INPP5A: variants seen among roughly 807,000 people sequenced by gnomAD.
INPP5A encodes inositol polyphosphate-5-phosphatase A, also known as 43 kDa inositol polyphosphate 5-phophatase.
In INPP5A, 14 loss-of-function variants were observed where a neutral mutation model predicts 65.2. The observed-to-expected ratio is 0.21, with a 90% CI of 0.14 to 0.34. The LOEUF is 0.34. Among genes scored for constraint, INPP5A ranks in the 10% least tolerant of loss-of-function variants. The pLI is 1.00. For synonymous variants in INPP5A, 207 were observed against 208.3 expected (o/e 0.99, Z 0.05); for missense variants, 431 against 545.6 (o/e 0.79, Z 2.09).
rs1845241927 is a variant in INPP5A, at chr10:132,690,536, C to T, written c.370+81C>T. 8 of 1,061,118 alleles carry T rather than the reference C, an allele frequency of 7.5e-6. 1 individual carries two copies. The highest frequency in any genetic ancestry group is 2.5e-4 in the Middle Eastern group (1 of 4,074). The allele number at this position is 1,061,118 out of a possible 1,614,324, so 65.7% of individuals were successfully genotyped here. On this transcript the variant is annotated intron_variant, in intron 5 of 15. Transcript: ENST00000368594. Reference sequence around the variant, plus strand: ...TCTGGCTTCCCCAGACCTCTCCTGCCCTGTCTCTGTGAGTGGCCACTGTGG... The same window carrying T: ...TCTGGCTTCCCCAGACCTCTCCTGCTCTGTCTCTGTGAGTGGCCACTGTGG...
intron 8 of INPP5A, among the ~76,000 whole-genome samples, chr10:132,723,020 G>C (rs1006120262): frequency 1.3e-5 from 2 of 152,208 alleles, no homozygotes; most frequent in East Asian, 3.9e-4. Flanking sequence ...TTCGTCTTGC[G>C]GCCGCCGTGC....
Position 132,704,495 on chromosome 10 carries a change from G to A in INPP5A, c.475-3818G>A, listed in dbSNP as rs1220664812. Among the ~76,000 whole-genome samples, 1 of 152,240 alleles carries A rather than the reference G, an allele frequency of 6.6e-6. No individual in the cohort carries two copies. Among genetic ancestry groups the A allele is most frequent in the African/African-American group, 2.4e-5 (1 of 41,466 alleles). Reference sequence around the variant, plus strand: ...TGGACGCCAGCCCGCGGCGGCTGCTGGTGCGCAGAGCCACCCCTCGCAGCC... The same window carrying A: ...TGGACGCCAGCCCGCGGCGGCTGCTAGTGCGCAGAGCCACCCCTCGCAGCC... On this transcript the variant is annotated intron_variant, in intron 6 of 15. Transcript: ENST00000368594. This position sits in a 1 kb window ranked among gnomAD's most constrained non-coding sequence, Gnocchi z 4.5.
chr10:132,701,786 G>T (rs1845441696), intron 6 of INPP5A, among the ~76,000 whole-genome samples: 1 of 152,244 alleles, frequency 6.6e-6, no homozygotes, highest in South Asian at 2.1e-4. Context: ...CCTGCTTGGG[G>T]CTTGGCCAGC....
chr10:132,676,875 A>G lies in INPP5A; in HGVS notation c.307-13517A>G, dbSNP rs924128757. ...TCTCTGGCTCCAGCTCCTCCTTGGCAAGCTGAGTCTTCCCCAGCTTTGAGG... is the reference window on the plus strand; with the variant it reads ...TCTCTGGCTCCAGCTCCTCCTTGGCGAGCTGAGTCTTCCCCAGCTTTGAGG... On this transcript the variant is annotated intron_variant, in intron 4 of 15. Transcript: ENST00000368594. The surrounding 1 kb of genome is among the most constrained non-coding windows in gnomAD (Gnocchi z 4.0). 2.0e-5 allele frequency among the ~76,000 whole-genome samples: 3 copies of G among 152,122 alleles called. No homozygotes were observed. Among genetic ancestry groups the G allele is most frequent in the Non-Finnish European group, 2.9e-5 (2 of 68,022 alleles).
At chr10:132,680,349 A>G (rs926439404) in intron 4 of INPP5A, among the ~76,000 whole-genome samples, 1 of 152,208 alleles carries the variant, frequency 6.6e-6, no homozygotes, top group Non-Finnish European at 1.5e-5. Flanking sequence ...GTACACGAAA[A>G]AGCGCCCAGC....
At position 132,603,624 on chromosome 10, in the gene INPP5A, A is replaced by T. The variant is rs914327447; in HGVS notation, c.76-4291A>T. ...AAACTTTTCTAAACTTGAAGAATGT[A>T]GCGTTTAAGAATACATTTTAATTTT... On this transcript the variant is annotated intron_variant, in intron 1 of 15. Transcript: ENST00000368594. The surrounding 1 kb of genome is among the most constrained non-coding windows in gnomAD (Gnocchi z 4.2). 1.3e-5 allele frequency among the ~76,000 whole-genome samples: 2 copies of T among 152,242 alleles called. No individual in the cohort carries two copies. The highest frequency in any genetic ancestry group is 4.8e-5 in the African/African-American group (2 of 41,452).
chr10:132,718,078 C>T (rs1345376315), intron 8 of INPP5A, among the ~76,000 whole-genome samples: 1 of 149,746 alleles, frequency 6.7e-6, no homozygotes, highest in African/African-American at 2.5e-5. Flanking sequence ...TGGGTTCTGT[C>T]TGGGTGCCTT....
At chr10:132,751,363 C>T (rs1011523081) in intron 11 of INPP5A, among the ~76,000 whole-genome samples, 2 of 152,234 alleles carry the variant, frequency 1.3e-5, no homozygotes, top group Admixed American at 1.3e-4. Flanking sequence ...AGGTTTCCTC[C>T]GCTTCTCTCC....
At chr10:132,719,068 T>A in intron 8 of INPP5A, among the ~76,000 whole-genome samples, 1 of 148,676 alleles carries the variant, frequency 6.7e-6, no homozygotes, top group Non-Finnish European at 1.5e-5. Flanking sequence ...TAGACGGCTG[T>A]CTCGCGGGTT....
At chr10:132,735,944 C>T (rs1204518139) in intron 9 of INPP5A, among the ~76,000 whole-genome samples, 1 of 152,226 alleles carries the variant, frequency 6.6e-6, no homozygotes, top group Non-Finnish European at 1.5e-5. Context: ...CTGCCCCACA[C>T]CAGTCTGTGA....
At chr10:132,624,383 C>T (rs568683189) in intron 2 of INPP5A, among the ~76,000 whole-genome samples, 81 of 152,308 alleles carry the variant, frequency 5.3e-4, no homozygotes, top group African/African-American at 1.4e-3. Context: ...ACTTGCACAC[C>T]GGCATGCCCG....
Position 132,705,851 on chromosome 10 carries a change from G to A in INPP5A, c.475-2462G>A, listed in dbSNP as rs1440370068. ...GGAACTGCACAGGTGAGGAGGGGGC[G>A]CCTCTCACTCCCCAGGAGACTGCAA... is the stretch of plus-strand genomic sequence containing the variant. On this transcript the variant is annotated intron_variant, in intron 6 of 15. Coordinates refer to ENST00000368594, the MANE Select transcript of INPP5A (RefSeq NM_005539.5). The surrounding 1 kb of genome is among the most constrained non-coding windows in gnomAD (Gnocchi z 4.9). 5.9e-5 allele frequency among the ~76,000 whole-genome samples: 9 copies of A among 152,088 alleles called. No individual in the cohort carries two copies. Among genetic ancestry groups the A allele is most frequent in the African/African-American group, 1.7e-4 (7 of 41,400 alleles).
At chr10:132,620,029 G>A (rs1481372208) in intron 2 of INPP5A, among the ~76,000 whole-genome samples, 1 of 152,180 alleles carries the variant, frequency 6.6e-6, no homozygotes, top group Non-Finnish European at 1.5e-5. Flanking sequence ...GGCTGTGTCT[G>A]GGGCCCTTTG....
chr10:132,672,817 C>T (rs1284408563), intron 4 of INPP5A, among the ~76,000 whole-genome samples: 1 of 152,220 alleles, frequency 6.6e-6, no homozygotes, highest in Non-Finnish European at 1.5e-5. Context: ...CCACGCCCCA[C>T]CCCACTCCCC....
chr10:132,768,370 G>T (rs1054555652), intron 12 of INPP5A, among the ~76,000 whole-genome samples: 1 of 145,514 alleles, frequency 6.9e-6, no homozygotes, highest in East Asian at 2.1e-4. Context: ...AGCGTTCCCA[G>T]GTGCTCACGC....
intron 4 of INPP5A, among the ~76,000 whole-genome samples, chr10:132,660,086 A>G (rs2072716283): frequency 6.6e-6 from 1 of 152,256 alleles, no homozygotes. Context: ...CCAATGCGTG[A>G]CACACGGCAC....
chr10:132,750,939 T>G (rs1257367237), intron 11 of INPP5A, among the ~76,000 whole-genome samples: 1 of 152,124 alleles, frequency 6.6e-6, no homozygotes, highest in Non-Finnish European at 1.5e-5. Flanking sequence ...GCCAGCCAGG[T>G]GTCTGTGTGT....
intron 8 of INPP5A, among the ~76,000 whole-genome samples, chr10:132,714,610 G>A (rs764449945): frequency 5.9e-5 from 9 of 152,194 alleles, no homozygotes; most frequent in South Asian, 4.1e-4. Context: ...CCAGGAGGGA[G>A]GGCAGGTCCC....
Position 132,613,011 on chromosome 10 carries a change from T to A in INPP5A, c.117+5055T>A, listed in dbSNP as rs563385105. 3.3e-5 allele frequency among the ~76,000 whole-genome samples: 5 copies of A among 152,270 alleles called. No homozygotes were observed. In the South Asian group the frequency reaches 1.0e-3, roughly 32 times the overall value. ...CAGAGGCCATGGGGGAGGGCAGTCT[T>A]GGGGAGCAGGCGGCAAGACCCCAAC... is the stretch of plus-strand genomic sequence containing the variant. On this transcript the variant is annotated intron_variant, in intron 2 of 15. Coordinates refer to ENST00000368594, the MANE Select transcript of INPP5A (RefSeq NM_005539.5).
Sources: gnomAD v4.1 joint callset for allele counts (sites outside exome capture counted in the v4.1 genomes callset) on GRCh38, gnomAD v4.1.1 for gene constraint, Gnocchi (gnomAD v3.1) non-coding constraint, MANE v1.5 for transcripts, NCBI Gene and HGNC (gene_info 2026-07-23, HGNC 2026-07-21) for gene names.